RAB28: variants seen among roughly 807,000 people sequenced by gnomAD.
The protein encoded by RAB28 is ras-related protein Rab-28.
A neutral mutation model predicts 31.7 loss-of-function variants in RAB28; 24 were observed. The ratio of observed to expected loss-of-function variants is 0.76; its 90% CI spans 0.55 to 1.06. RAB28 has a LOEUF of 1.06. Among genes scored for constraint, RAB28 ranks in the 50% least tolerant of loss-of-function variants. The pLI, the probability that RAB28 is intolerant of heterozygous loss-of-function variation, is 0.00. For missense variants in RAB28, 254 were observed against 258.5 expected (o/e 0.98, Z 0.12); for synonymous variants, 100 against 90.4 (o/e 1.11, Z -0.60).
At chr4:13,410,724 T>C (rs1712395315) in intron 4 of RAB28, among the ~76,000 whole-genome samples, 1 of 152,108 alleles carries the variant, frequency 6.6e-6, no homozygotes, top group Non-Finnish European at 1.5e-5. Context: ...GTGGTAGCGT[T>C]ACAATCAACA....
chr4:13,407,652 T>C (rs760683811), intron 4 of RAB28, among the ~76,000 whole-genome samples: 3 of 152,342 alleles, frequency 2.0e-5, no homozygotes, highest in Non-Finnish European at 4.4e-5. Context: ...ATGGAATGTT[T>C]TTCCATTTGT....
intron 1 of RAB28, among the ~76,000 whole-genome samples, chr4:13,481,551 T>A (rs1716605466): frequency 6.6e-6 from 1 of 152,028 alleles, no homozygotes; most frequent in Non-Finnish European, 1.5e-5. Flanking sequence ...CTACTAACAT[T>A]TTTGACTTGG....
At chr4:13,458,548 C>A (rs900992289) in intron 4 of RAB28, among the ~76,000 whole-genome samples, 1 of 152,006 alleles carries the variant, frequency 6.6e-6, no homozygotes, top group Non-Finnish European at 1.5e-5. Context: ...AATCTGAAAT[C>A]ATTTTCTCTT....
In RAB28 at chr4:13,478,438, C is replaced by A. The variant is rs1374420911; in HGVS notation, c.172+992G>T. ...TATTACTAAGGAGATAAGAAGAATA[C>A]CTCCATTACCAAGAGTTTTCATTAC... On this transcript the variant is annotated intron_variant, in intron 2 of 6. Coordinates refer to ENST00000330852, the MANE Select transcript of RAB28 (RefSeq NM_001017979.3). Among the ~76,000 whole-genome samples the A allele has an allele frequency of 2.0e-5, 3 of 151,292 alleles. No individual in the cohort carries two copies. In the East Asian group the frequency reaches 5.8e-4, roughly 29 times the overall value.
intron 4 of RAB28, among the ~76,000 whole-genome samples, chr4:13,401,300 T>G (rs142890071): frequency 2.6e-5 from 4 of 152,270 alleles, no homozygotes; most frequent in Non-Finnish European, 4.4e-5. Context: ...ACTTAGTTTG[T>G]GTCTTTAAAG....
chr4:13,478,291 C>T (rs1216806254), intron 2 of RAB28, among the ~76,000 whole-genome samples: 1 of 151,562 alleles, frequency 6.6e-6, no homozygotes, highest in East Asian at 1.9e-4. Context: ...TCTCCTTAAA[C>T]CTCTTGCTGA....
At chr4:13,389,731 G>T (rs921566131) in intron 4 of RAB28, among the ~76,000 whole-genome samples, 1 of 151,916 alleles carries the variant, frequency 6.6e-6, no homozygotes. Flanking sequence ...TTTCATTGAG[G>T]TTTACAGCTT....
chr4:13,460,599 G>A (rs1490138071), intron 4 of RAB28, 100 bp downstream of exon 4: 13 of 1,438,710 alleles, frequency 9.0e-6, no homozygotes, highest in Non-Finnish European at 1.1e-5. Flanking sequence ...TTGGGGATTA[G>A]GTCTTTGACA....
intron 4 of RAB28, among the ~76,000 whole-genome samples, chr4:13,441,468 T>C (rs987954574): frequency 2.6e-5 from 4 of 152,210 alleles, no homozygotes; most frequent in East Asian, 1.9e-4. Flanking sequence ...TAAATGATAA[T>C]GACAATATAT....
intron 5 of RAB28, among the ~76,000 whole-genome samples, chr4:13,377,388 T>C (rs969098969): frequency 2.6e-5 from 4 of 152,194 alleles, no homozygotes; most frequent in Non-Finnish European, 5.9e-5. Flanking sequence ...CAAAACTTTA[T>C]TAATTTTTAC....
intron 4 of RAB28, among the ~76,000 whole-genome samples, chr4:13,446,499 C>T (rs767601676): frequency 1.2e-4 from 19 of 152,104 alleles, no homozygotes; most frequent in Non-Finnish European, 2.2e-4. Flanking sequence ...GTGGTGTAGG[C>T]TCACAAGGTA....
chr4:13,417,506 C>G (rs953357372), intron 4 of RAB28, among the ~76,000 whole-genome samples: 1 of 152,150 alleles, frequency 6.6e-6, no homozygotes, highest in Non-Finnish European at 1.5e-5. Context: ...ACCGACACCT[C>G]GTACAGGCAG....
At chr4:13,369,751 C>A in intron 6 of RAB28, 1 of 991,142 alleles carries the variant, frequency 1.0e-6, no homozygotes, top group Non-Finnish European at 1.3e-6. Flanking sequence ...GTGATATTAA[C>A]TTCCAATAAT....
At chr4:13,410,538 A>C (rs1712378810) in intron 4 of RAB28, among the ~76,000 whole-genome samples, 1 of 149,496 alleles carries the variant, frequency 6.7e-6, no homozygotes, top group Non-Finnish European at 1.5e-5. Flanking sequence ...CTGCAAAAAA[A>C]TAAATAAATA....
chr4:13,481,268 A>G (rs1716592044), intron 1 of RAB28, among the ~76,000 whole-genome samples: 1 of 152,046 alleles, frequency 6.6e-6, no homozygotes, highest in African/African-American at 2.4e-5. Context: ...ACTGTCAAAA[A>G]TACAGGTTAC....
intron 4 of RAB28, among the ~76,000 whole-genome samples, chr4:13,388,348 C>T (rs548746228): frequency 1.3e-5 from 2 of 152,082 alleles, no homozygotes; most frequent in East Asian, 1.9e-4. Flanking sequence ...CTTTATCTTA[C>T]ACCACACACA....
At chr4:13,408,645 T>A (rs980679582) in intron 4 of RAB28, among the ~76,000 whole-genome samples, 2 of 152,176 alleles carry the variant, frequency 1.3e-5, no homozygotes, top group Middle Eastern at 6.8e-3. Context: ...GGGAAAAAAT[T>A]GCATGTGCAA....
intron 4 of RAB28, among the ~76,000 whole-genome samples, chr4:13,434,138 GAA>G (rs1159751381): frequency 1.3e-5 from 2 of 152,072 alleles, no homozygotes; most frequent in African/African-American, 4.8e-5. Context: ...AAAGAAGGGA[GAA>G]AAAGACACTG....
At chr4:13,369,458 T>C (rs1728634224) in intron 6 of RAB28, among the ~76,000 whole-genome samples, 1 of 152,132 alleles carries the variant, frequency 6.6e-6, no homozygotes, top group Non-Finnish European at 1.5e-5. Context: ...TTTACTGTTT[T>C]CAACTCTACA....
Sources: allele counts gnomAD v4.1 joint callset (sites outside exome capture counted in the v4.1 genomes callset), GRCh38; gene constraint gnomAD v4.1.1; transcripts MANE v1.5; gene names NCBI Gene and HGNC (gene_info 2026-07-23, HGNC 2026-07-21).